The following CHST11 variants were observed in gnomAD, a reference collection of about 807,000 sequenced individuals.
The protein encoded by CHST11 is C4S-1.
CHST11 carries 9 observed loss-of-function variants against 30.4 expected under a neutral mutation model. The ratio of observed to expected loss-of-function variants is 0.30; its 90% CI spans 0.18 to 0.52. The LOEUF (loss-of-function observed/expected upper bound fraction) is 0.52. CHST11 is among the 20% of genes least tolerant of loss of function. The pLI is 0.97. For missense variants in CHST11, 348 were observed against 460.6 expected, an observed-to-expected ratio of 0.76 and a Z score of 2.24; for synonymous variants, 152 against 187.8, an observed-to-expected ratio of 0.81 and a Z score of 1.56.
intron 1 of CHST11, among the ~76,000 whole-genome samples, chr12:104,584,261 CTTTTT>C (rs34673490): frequency 7.3e-6 from 1 of 136,788 alleles, no homozygotes; most frequent in African/African-American, 2.7e-5. Flanking sequence ...TCTCTTTCTT[CTTTTT>C]TTTTTTTTTT....
At chr12:104,572,448 T>C (rs1323869989) in intron 1 of CHST11, among the ~76,000 whole-genome samples, 2 of 152,174 alleles carry the variant, frequency 1.3e-5, no homozygotes, top group South Asian at 2.1e-4. Flanking sequence ...CTTGGGAAGG[T>C]GTATGTGTCA....
intron 2 of CHST11, among the ~76,000 whole-genome samples, chr12:104,683,915 G>A (rs953974240): frequency 6.6e-6 from 1 of 152,202 alleles, no homozygotes; most frequent in East Asian, 1.9e-4. Flanking sequence ...GCATCTGTTA[G>A]CCAAGTAACC....
chr12:104,629,802 A>G (rs1043319460), intron 2 of CHST11, among the ~76,000 whole-genome samples: 9 of 152,338 alleles, frequency 5.9e-5, no homozygotes, highest in Admixed American at 2.0e-4. Context: ...AGCCTGGGCA[A>G]GAGTTAATGG....
chr12:104,481,780 TTTCCTTCC>T (rs367579893), intron 1 of CHST11, among the ~76,000 whole-genome samples: 3 of 150,704 alleles, frequency 2.0e-5, no homozygotes, highest in African/African-American at 7.3e-5. Flanking sequence ...TCCTTCCTTC[TTTCCTTCC>T]TTCCTTCCTT....
At chr12:104,514,085 G>C in intron 1 of CHST11, 1 of 1,199,844 alleles carries the variant, frequency 8.3e-7, no homozygotes, top group Non-Finnish European at 1.2e-6. Context: ...GTGGTACCAG[G>C]GGTCTAATCA....
intron 2 of CHST11, among the ~76,000 whole-genome samples, chr12:104,698,189 T>G (rs1173911213): frequency 2.0e-5 from 3 of 152,214 alleles, no homozygotes; most frequent in Non-Finnish European, 4.4e-5. Flanking sequence ...TCTCATTACC[T>G]GCAGAACCCA....
At position 104,510,795 on chromosome 12, in the gene CHST11, G is replaced by T. The variant is rs113514260; in HGVS notation, c.118+53266G>T. Reference sequence around the variant, plus strand: ...AGAAGTTGGTTAGTGATTCTTGTAAGTGTATGTGAGTTTCTTGTTTTTTCT... The same window carrying T: ...AGAAGTTGGTTAGTGATTCTTGTAATTGTATGTGAGTTTCTTGTTTTTTCT... On this transcript the variant is annotated intron_variant, in intron 1 of 2. Transcript: ENST00000303694. Among the ~76,000 whole-genome samples the T allele has an allele frequency of 3.1e-3, 465 of 151,652 alleles. 1 individual carries two copies. Among genetic ancestry groups the T allele is most frequent in the Non-Finnish European group, 4.8e-3 (323 of 67,936 alleles).
At chr12:104,571,344 G>T (rs1406700367) in intron 1 of CHST11, among the ~76,000 whole-genome samples, 1 of 152,044 alleles carries the variant, frequency 6.6e-6, no homozygotes, top group Admixed American at 6.5e-5. Flanking sequence ...TGTATTTTTA[G>T]TAGAGATGGG....
At chr12:104,560,751 A>C (rs1297405943) in intron 1 of CHST11, among the ~76,000 whole-genome samples, 1 of 152,096 alleles carries the variant, frequency 6.6e-6, no homozygotes, top group African/African-American at 2.4e-5. Flanking sequence ...CCCTTTGCAA[A>C]CTGTTGCTGC....
Position 104,544,125 on chromosome 12 carries a change from TAA to T in CHST11, c.119-57766_119-57765del, listed in dbSNP as rs60776273. Reference sequence around the variant, plus strand: ...GGCAACAGAGAGAGACCCTGTCTGTTAAAAAAAAAAAAAAAAGAAAGAAAGAA... The same window carrying T: ...GGCAACAGAGAGAGACCCTGTCTGTTAAAAAAAAAAAAAAGAAAGAAAGAA... On this transcript the variant is annotated intron_variant, in intron 1 of 2. Coordinates refer to ENST00000303694, the MANE Select transcript of CHST11 (RefSeq NM_018413.6). Among the ~76,000 whole-genome samples the T allele has an allele frequency of 1.4e-3, 141 of 97,382 alleles. 11 individuals carry two copies. The highest frequency in any genetic ancestry group is 4.0e-3 in the East Asian group (18 of 4,460). The allele number at this position is 97,382 out of a possible 152,430, so 63.9% of individuals were successfully genotyped here.
chr12:104,694,245 C>T (rs1345294294), intron 2 of CHST11, among the ~76,000 whole-genome samples: 1 of 152,152 alleles, frequency 6.6e-6, no homozygotes, highest in Non-Finnish European at 1.5e-5. Context: ...TTCAAACCTA[C>T]CTCCACTCTC....
rs1421998777 is a variant in CHST11, at chr12:104,676,049, A to T, written c.204+74058A>T. Among the ~76,000 whole-genome samples, 1 of 152,216 alleles carries T rather than the reference A, an allele frequency of 6.6e-6. No individual in the cohort carries two copies. Among genetic ancestry groups the T allele is most frequent in the African/African-American group, 2.4e-5 (1 of 41,464 alleles). ...CTCCTATAATTCTGTCTGCATAGGAAAGACCTGTTCAATGATCATCTTTTT... is the reference window on the plus strand; with the variant it reads ...CTCCTATAATTCTGTCTGCATAGGATAGACCTGTTCAATGATCATCTTTTT... On this transcript the variant is annotated intron_variant, in intron 2 of 2. Coordinates refer to ENST00000303694, the MANE Select transcript of CHST11 (RefSeq NM_018413.6). This position sits in a 1 kb window ranked among gnomAD's most constrained non-coding sequence, Gnocchi z 4.4.
intron 2 of CHST11, among the ~76,000 whole-genome samples, chr12:104,674,328 G>A (rs1358672779): frequency 6.6e-6 from 1 of 152,170 alleles, no homozygotes; most frequent in Non-Finnish European, 1.5e-5. Flanking sequence ...TTTCTATAAT[G>A]ATAACCACCC....
chr12:104,658,951 C>T (rs34335293), intron 2 of CHST11, among the ~76,000 whole-genome samples: 6,692 of 152,302 alleles, frequency 0.044, 250 homozygotes, highest in African/African-American at 0.11. Flanking sequence ...GGATTTGAAC[C>T]CAGGCAGTCT....
Position 104,756,936 on chromosome 12 carries a change from G to A in CHST11, c.205-13G>A. On this transcript the variant is annotated splice_polypyrimidine_tract_variant and intron_variant, in intron 2 of 2. Transcript: ENST00000303694. The stretch of plus-strand genomic sequence containing the variant: ...AGTACTGAGTTCTTATTCGTCTTGT[G>A]TCTCCTCTGCAGCTGGAGCTCTCAA... The A allele has an allele frequency of 6.2e-7, 1 of 1,604,764 alleles. No individual in the cohort carries two copies. The highest frequency in any genetic ancestry group is 8.5e-7 in the Non-Finnish European group (1 of 1,174,942).
intron 1 of CHST11, among the ~76,000 whole-genome samples, chr12:104,527,330 C>T (rs1404263042): frequency 6.6e-6 from 1 of 152,226 alleles, no homozygotes; most frequent in East Asian, 1.9e-4. Flanking sequence ...TGGATTAATA[C>T]ACATGGCTAC....
At chr12:104,634,752 CT>C (rs2039307088) in intron 2 of CHST11, among the ~76,000 whole-genome samples, 1 of 152,184 alleles carries the variant, frequency 6.6e-6, no homozygotes, top group African/African-American at 2.4e-5. Context: ...TTCACCATTG[CT>C]TTTAACCCAG....
intron 2 of CHST11, among the ~76,000 whole-genome samples, chr12:104,604,753 C>T (rs1224000971): frequency 6.6e-6 from 1 of 152,088 alleles, no homozygotes; most frequent in African/African-American, 2.4e-5. Context: ...CTGGTGTTTC[C>T]GTTTTTTGTA....
chr12:104,630,957 C>T (rs985752300), intron 2 of CHST11, among the ~76,000 whole-genome samples: 1 of 152,176 alleles, frequency 6.6e-6, no homozygotes, highest in African/African-American at 2.4e-5. Context: ...AAGGGCCTCT[C>T]ATTAACACTA....
Sources: gnomAD v4.1 joint callset for allele counts (sites outside exome capture counted in the v4.1 genomes callset) on GRCh38, gnomAD v4.1.1 for gene constraint, Gnocchi (gnomAD v3.1) non-coding constraint, MANE v1.5 for transcripts, NCBI Gene and HGNC (gene_info 2026-07-23, HGNC 2026-07-21) for gene names.